Variants in LIMCH1 observed in about 807,000 individuals in gnomAD.
LIMCH1 encodes the protein LIM and calponin homology domains 1, also known as LIM and calponin homology domains-containing protein 1.
LIMCH1 carries 113 observed loss-of-function variants against 176.5 expected under a neutral mutation model. The ratio of observed to expected loss-of-function variants is 0.64; its 90% confidence interval spans 0.55 to 0.75. The LOEUF (loss-of-function observed/expected upper bound fraction) is 0.75. LIMCH1 is among the 30% of genes least tolerant of loss of function. The probability of loss-of-function intolerance (pLI) is 0.00; values close to 1 mark genes in which losing one functional copy is unlikely to be tolerated. For missense variants in LIMCH1, 1,674 were observed against 1,814.9 expected, an observed-to-expected ratio of 0.92 and a Z score of 1.41; for synonymous variants, 619 against 645.9, an observed-to-expected ratio of 0.96 and a Z score of 0.63.
chr4:41,671,839 C>T (rs1343216767), intron 22 of LIMCH1, among the ~76,000 whole-genome samples: 2 of 127,092 alleles, frequency 1.6e-5, no homozygotes, highest in Non-Finnish European at 3.1e-5. Flanking sequence ...GCACCGAGAT[C>T]GTGTCACTGC....
chr4:41,589,861 A>C (rs987390122), intron 1 of LIMCH1, among the ~76,000 whole-genome samples: 10 of 152,138 alleles, frequency 6.6e-5, no homozygotes, highest in Non-Finnish European at 1.0e-4. Flanking sequence ...CTGATGAGCT[A>C]GGGCTCTCTA....
At chr4:41,397,100 T>C (rs1286625967) in intron 1 of LIMCH1, among the ~76,000 whole-genome samples, 2 of 152,120 alleles carry the variant, frequency 1.3e-5, no homozygotes, top group Admixed American at 6.5e-5. Context: ...TAGTTAAGGA[T>C]TGGGCCATTG....
Position 41,399,294 on chromosome 4 carries a change from GA to G in LIMCH1, c.96+38367del, listed in dbSNP as rs1281053729. On this transcript the variant is annotated intron_variant, in intron 1 of 26. Transcript: ENST00000313860. ...AAGATTGCTCAGTGGCACAAATAAGGAAAAAAAAACCCATAAGAATAGAGAG... is the reference window on the plus strand; with the variant it reads ...AAGATTGCTCAGTGGCACAAATAAGGAAAAAAAACCCATAAGAATAGAGAG... Among the ~76,000 whole-genome samples the G allele has an allele frequency of 6.0e-5, 9 of 150,706 alleles. No individual in the cohort carries two copies. In the South Asian group the frequency reaches 1.0e-3, roughly 18 times the overall value.
rs559324271 is a variant in LIMCH1, at chr4:41,416,058, C to T, written c.96+55122C>T. Among the ~76,000 whole-genome samples the T allele has an allele frequency of 4.8e-4, 73 of 151,856 alleles. 1 individual carries two copies. Among genetic ancestry groups the T allele is most frequent in the South Asian group, 4.4e-3 (21 of 4,794 alleles). ...ATTTTATGTATAGTACTCAGGCTGG[C>T]GCTGAGTACTGACTTAGTAAAGATT... is the stretch of plus-strand genomic sequence containing the variant. On this transcript the variant is annotated intron_variant, in intron 1 of 26. Coordinates refer to the LIMCH1 transcript ENST00000313860.
chr4:41,689,728 G>A, intron 30 of LIMCH1, 93 bp downstream of exon 30: 2 of 776,062 alleles, frequency 2.6e-6, no homozygotes, highest in Middle Eastern at 2.3e-4. Flanking sequence ...AATTCTGGAG[G>A]GCTTTGTCTG....
intron 1 of LIMCH1, among the ~76,000 whole-genome samples, chr4:41,482,007 T>A (rs2068733246): frequency 6.6e-6 from 1 of 152,126 alleles, no homozygotes; most frequent in Non-Finnish European, 1.5e-5. Flanking sequence ...TGTACCACCA[T>A]GGCTGGCTAA....
At chr4:41,562,873 A>G (rs1053002014) in intron 1 of LIMCH1, among the ~76,000 whole-genome samples, 1 of 152,152 alleles carries the variant, frequency 6.6e-6, no homozygotes, top group African/African-American at 2.4e-5. Context: ...GAACTGATAA[A>G]TGTTTGATAG....
chr4:41,412,895 A>T (rs1362551175), intron 1 of LIMCH1, among the ~76,000 whole-genome samples: 1 of 152,184 alleles, frequency 6.6e-6, no homozygotes, highest in Admixed American at 6.5e-5. Context: ...CACTAAAAAA[A>T]ATGGTTTAGC....
chr4:41,501,857 CTTTTTTTTTTTT>C (rs71198662), intron 2 of LIMCH1, among the ~76,000 whole-genome samples: 9 of 74,984 alleles, frequency 1.2e-4, no homozygotes, highest in South Asian at 4.7e-4. Flanking sequence ...GTGTAGAATC[CTTTTTTTTTTTT>C]TTTTTTTTTT....
chr4:41,691,235 C>T (rs141493015), intron 30 of LIMCH1, among the ~76,000 whole-genome samples: 49 of 152,244 alleles, frequency 3.2e-4, no homozygotes, highest in Admixed American at 2.2e-3. Context: ...GATTAAGCCT[C>T]ACTCTGTCCC....
chr4:41,445,819 C>T (rs1371890386), intron 1 of LIMCH1, among the ~76,000 whole-genome samples: 3 of 152,176 alleles, frequency 2.0e-5, no homozygotes, highest in African/African-American at 7.2e-5. Flanking sequence ...TTGGTCTTGG[C>T]AGTACCTTTC....
At chr4:41,487,778 T>A (rs1248386762) in intron 1 of LIMCH1, among the ~76,000 whole-genome samples, 7 of 149,458 alleles carry the variant, frequency 4.7e-5, no homozygotes, top group Non-Finnish European at 8.9e-5. Flanking sequence ...CCTGCCTCCC[T>A]AGTAGCTGGG....
At position 41,680,905 on chromosome 4, in the gene LIMCH1, A is replaced by G. The variant is rs371805492; in HGVS notation, c.3613-50A>G. On this transcript the variant is annotated intron_variant, in intron 24 of 31. Coordinates refer to ENST00000503057, the MANE Select transcript of LIMCH1 (RefSeq NM_001330672.2). ...CTTAATGACATTTTTGTCTTGACAA[A>G]TATGATTTTTATTTTCCCCCCTTTC... 848 of 1,048,802 alleles carry G rather than the reference A, an allele frequency of 8.1e-4. 12 individuals are homozygous for G. The South Asian group carries it at 0.011, about 13-fold the overall frequency. 65.0% of individuals were successfully genotyped at this position (1,048,802 alleles called of 1,614,324 possible). A position where few individuals can be genotyped will look rare whatever the true frequency, so the allele number is the denominator to read the frequency against.
chr4:41,567,507 G>A (rs2082931009), intron 1 of LIMCH1, among the ~76,000 whole-genome samples: 1 of 152,110 alleles, frequency 6.6e-6, no homozygotes, highest in South Asian at 2.1e-4. Context: ...TATGACTGAG[G>A]CAGAATTAAA....
At chr4:41,436,433 A>T (rs1176817680) in intron 1 of LIMCH1, among the ~76,000 whole-genome samples, 1 of 152,218 alleles carries the variant, frequency 6.6e-6, no homozygotes, top group Non-Finnish European at 1.5e-5. Context: ...GGCATTAAAA[A>T]ATAATGTCCA....
chr4:41,472,950 GA>G, intron 1 of LIMCH1: 1 of 893,604 alleles, frequency 1.1e-6, no homozygotes, highest in Non-Finnish European at 1.3e-6. Flanking sequence ...GGATTCTGCA[GA>G]AAACACTTTG....
intron 1 of LIMCH1, chr4:41,473,190 G>C (rs1437991418): frequency 1.0e-6 from 1 of 985,064 alleles, no homozygotes. Flanking sequence ...AGTGAGAAGA[G>C]GAAAGGTGTG....
chr4:41,526,562 C>T (rs1035030773), intron 3 of LIMCH1, among the ~76,000 whole-genome samples: 1 of 152,208 alleles, frequency 6.6e-6, no homozygotes, highest in Non-Finnish European at 1.5e-5. Flanking sequence ...CCACGGTTCT[C>T]GCGTCATGCC....
At chr4:41,671,073 A>G in intron 21 of LIMCH1, 25 of 727,098 alleles carry the variant, frequency 3.4e-5, no homozygotes, top group Non-Finnish European at 3.9e-5. Flanking sequence ...AAAAAAAAAA[A>G]GATTAAAAGC....
Sources: allele counts gnomAD v4.1 joint callset (sites outside exome capture counted in the v4.1 genomes callset), GRCh38; gene constraint gnomAD v4.1.1; transcripts MANE v1.5; gene names NCBI Gene and HGNC (gene_info 2026-07-23, HGNC 2026-07-21).